SKP1: variants seen among roughly 807,000 people sequenced by gnomAD.
SKP1 encodes S-phase kinase-associated protein 1.
Under a neutral mutation model 21.5 loss-of-function variants are expected in SKP1, and 1 was observed. The ratio of observed to expected loss-of-function variants is 0.05; its 90% CI spans 0.02 to 0.22. The LOEUF is 0.22. Among genes scored for constraint, SKP1 ranks in the 10% least tolerant of loss-of-function variants. The probability of loss-of-function intolerance (pLI) is 1.00; values close to 1 mark genes in which losing one functional copy is unlikely to be tolerated. For synonymous variants in SKP1, 59 were observed against 59.3 expected, an observed-to-expected ratio of 0.99 and a Z score of 0.03; for missense variants, 70 against 192.0, an observed-to-expected ratio of 0.36 and a Z score of 3.76.
chr5:134,167,331 C>T, intron 2 of SKP1, 88 bp from the exon 3 acceptor site: 1 of 831,742 alleles, frequency 1.2e-6, no homozygotes, highest in Middle Eastern at 2.3e-4. Context: ...TAAGAGTCAG[C>T]CCCCATATCC....
chr5:134,173,966 T>A lies in SKP1; in HGVS notation c.57A>T (p.Glu19Asp). 1.2e-6 allele frequency: 2 copies of A among 1,611,778 alleles called. No homozygotes were observed. Among genetic ancestry groups the A allele is most frequent in the Middle Eastern group, 1.7e-4 (1 of 6,002 alleles). The change falls in exon 2 of 6, where the codon GAA becomes GAT. Residue 19 changes from glutamate to aspartate, a missense_variant. By Grantham distance (45) the Glu-to-Asp change is conservative. Transcript: ENST00000353411. The part of the protein sequence containing the change: ...SDGEIFEVDV[E>D]IAKQSVTIKT... ...TAATAGTCACAGATTGTTTGGCAATTTCCACATCAACTTCAAATATCTCTC... is the reference window on the plus strand; with the variant it reads ...TAATAGTCACAGATTGTTTGGCAATATCCACATCAACTTCAAATATCTCTC...
rs777990442 is a variant in SKP1, at chr5:134,158,601, A to T, written c.316-6T>A. 10 of 1,612,260 alleles carry T rather than the reference A, an allele frequency of 6.2e-6. No individual in the cohort carries two copies. The South Asian group carries it at 9.9e-5, about 16-fold the overall frequency. On this transcript the variant is annotated splice_region_variant and splice_polypyrimidine_tract_variant and intron_variant, in intron 4 of 5. Transcript: ENST00000353411. ...ATGTCTAAGTAGTTTGCAGCCTGTA[A>T]AGAGACAGTTGTTTTCCTTAAAGTA... is the stretch of plus-strand genomic sequence containing the variant.
At chr5:134,170,596 A>G (rs893657385) in intron 2 of SKP1, among the ~76,000 whole-genome samples, 7 of 152,264 alleles carry the variant, frequency 4.6e-5, no homozygotes, top group Non-Finnish European at 5.9e-5. Context: ...AAAAAAGCAG[A>G]AAGTTGCCAA....
chr5:134,176,441 G>T (rs530518093), intron 1 of SKP1, among the ~76,000 whole-genome samples: 2 of 152,086 alleles, frequency 1.3e-5, no homozygotes, highest in Non-Finnish European at 2.9e-5. Flanking sequence ...CCACGCTCAC[G>T]ACAGCCAAGG....
At chr5:134,163,757 T>C (rs1343622037) in intron 3 of SKP1, among the ~76,000 whole-genome samples, 1 of 152,006 alleles carries the variant, frequency 6.6e-6, no homozygotes, top group East Asian at 1.9e-4. Flanking sequence ...ACCACTGCAC[T>C]CCAGCCCAGG....
chr5:134,150,678 C>T lies in SKP1; in HGVS notation c.*7055G>A, dbSNP rs113970405. On this transcript the variant is annotated 3_prime_UTR_variant, in exon 6 of 6. Transcript: ENST00000353411. ...AAGAGTTCACCAAGGGTTTCTGAAACAGCTGCCCACCCAAGCAGACCCTGG... is the reference window on the plus strand; with the variant it reads ...AAGAGTTCACCAAGGGTTTCTGAAATAGCTGCCCACCCAAGCAGACCCTGG... 4.6e-5 allele frequency: 7 copies of T among 152,288 alleles called. No individual in the cohort carries two copies. In the East Asian group the frequency reaches 7.8e-4, roughly 17 times the overall value. 9.4% of individuals were successfully genotyped at this position (152,288 alleles called of 1,614,324 possible).
rs1465060872 is a variant in SKP1 at position 134,150,778 on chromosome 5, T to C, written c.*6955A>G. The C allele has an allele frequency of 1.3e-5, 2 of 152,162 alleles. No individual in the cohort carries two copies. The highest frequency in any genetic ancestry group is 6.6e-5 in the Admixed American group (1 of 15,264). The allele number at this position is 152,162 out of a possible 1,614,324, so 9.4% of individuals were successfully genotyped here. On this transcript the variant is annotated 3_prime_UTR_variant, in exon 6 of 6. Transcript: ENST00000353411. Reference sequence around the variant, plus strand: ...TCTCAAATCACCCTATGGGCATCTTTCAAATTCTGACTCCTGAGCTCTTCT... The same window carrying C: ...TCTCAAATCACCCTATGGGCATCTTCCAAATTCTGACTCCTGAGCTCTTCT...
At chr5:134,166,580 CA>C (rs36106913) in intron 3 of SKP1, among the ~76,000 whole-genome samples, 1,541 of 52,376 alleles carry the variant, frequency 0.029, 5 homozygotes, top group African/African-American at 0.11. Context: ...ACTCTGGTCT[CA>C]AAAAAAAAAA....
Position 134,156,066 on chromosome 5 carries a change from G to A in SKP1, c.*1667C>T, listed in dbSNP as rs78042489. ...CTGTCTTGTCCTCCCAAAATGTTGAGATTACAGGCATAAGCCACCATGCCC... is the reference window on the plus strand; with the variant it reads ...CTGTCTTGTCCTCCCAAAATGTTGAAATTACAGGCATAAGCCACCATGCCC... On this transcript the variant is annotated 3_prime_UTR_variant, in exon 6 of 6. Transcript: ENST00000353411. 0.087 allele frequency: 13,236 copies of A among 151,636 alleles called. 1,036 individuals are homozygous for A. Among genetic ancestry groups the A allele is most frequent in the East Asian group, 0.38 (1,950 of 5,128 alleles). 9.4% of individuals were successfully genotyped at this position (151,636 alleles called of 1,614,324 possible). A position where few individuals can be genotyped will look rare whatever the true frequency, so the allele number is the denominator to read the frequency against.
chr5:134,156,408 T>G lies in SKP1; in HGVS notation c.*1325A>C, dbSNP rs557953055. On this transcript the variant is annotated 3_prime_UTR_variant, in exon 6 of 6. Coordinates refer to ENST00000353411, the MANE Select transcript of SKP1 (RefSeq NM_170679.3). ...AATTGGAATTAAGTGAGACAACATA[T>G]GGGACTTTATTAAATAAGGTGAATT... The G allele has an allele frequency of 6.6e-6, 1 of 152,284 alleles. No homozygotes were observed. Among genetic ancestry groups the G allele is most frequent in the Admixed American group, 6.5e-5 (1 of 15,294 alleles). 9.4% of individuals were successfully genotyped at this position (152,284 alleles called of 1,614,324 possible).
chr5:134,151,614 TAA>T lies in SKP1; in HGVS notation c.*6117_*6118del, dbSNP rs1761044102. ...ATATAGCAGGTTGAAAATTTGAAGT[TAA>T]GAGATATCAGAAGGTCTGAATATAC... On this transcript the variant is annotated 3_prime_UTR_variant, in exon 6 of 6. Transcript: ENST00000353411. The T allele has an allele frequency of 4.4e-6, 2 of 453,720 alleles. No homozygotes were observed. 28.1% of individuals were successfully genotyped at this position (453,720 alleles called of 1,614,324 possible).
chr5:134,162,902 G>C (rs113607450), intron 3 of SKP1, among the ~76,000 whole-genome samples: 11 of 151,622 alleles, frequency 7.3e-5, no homozygotes, highest in Admixed American at 7.2e-4. Flanking sequence ...GAGACACCCC[G>C]TCTCTACAAA....
In SKP1 at chr5:134,156,399, G is replaced by A. The variant is rs1276372375; in HGVS notation, c.*1334C>T. 6.6e-6 allele frequency: 1 copy of A among 152,162 alleles called. No homozygotes were observed. The highest frequency in any genetic ancestry group is 1.5e-5 in the Non-Finnish European group (1 of 68,026). 9.4% of individuals were successfully genotyped at this position (152,162 alleles called of 1,614,324 possible). A position where few individuals can be genotyped will look rare whatever the true frequency, so the allele number is the denominator to read the frequency against. Reference sequence around the variant, plus strand: ...CAGACAACAAATTGGAATTAAGTGAGACAACATATGGGACTTTATTAAATA... The same window carrying A: ...CAGACAACAAATTGGAATTAAGTGAAACAACATATGGGACTTTATTAAATA... On this transcript the variant is annotated 3_prime_UTR_variant, in exon 6 of 6. Coordinates refer to ENST00000353411, the MANE Select transcript of SKP1 (RefSeq NM_170679.3).
chr5:134,170,570 C>T (rs1259925826), intron 2 of SKP1, among the ~76,000 whole-genome samples: 1 of 152,148 alleles, frequency 6.6e-6, no homozygotes, highest in Admixed American at 6.5e-5. Flanking sequence ...ACCAGAGATA[C>T]TGCAGGTGGA....
At position 134,161,114 on chromosome 5, in the gene SKP1, G is replaced by A; in HGVS notation, c.188C>T (p.Thr63Ile). The part of the protein sequence containing the change: ...AILKKVIQWC[T>I]HHKDDPPPPE... ...AGGAGGAGGGTCATCCTTGTGGTGG[G>A]TGCACCACTGAATGACCTACAACAA... The change falls in exon 4 of 6, where the codon ACC (threonine) becomes ATC (isoleucine). Residue 63 changes from threonine (T) to isoleucine (I), a missense_variant. Coordinates refer to ENST00000353411, the MANE Select transcript of SKP1 (RefSeq NM_170679.3). The A allele has an allele frequency of 6.2e-7, 1 of 1,610,474 alleles. No homozygotes were observed. The highest frequency in any genetic ancestry group is 8.5e-7 in the Non-Finnish European group (1 of 1,178,076).
chr5:134,160,942 T>C (rs1337017623), intron 4 of SKP1, 45 bp downstream of exon 4: 1 of 1,416,980 alleles, frequency 7.1e-7, no homozygotes. Flanking sequence ...ATAAGAAGTG[T>C]TTAAAGGCTC....
In SKP1 at chr5:134,152,829, C is replaced by G. The variant is rs547330019; in HGVS notation, c.*4904G>C. On this transcript the variant is annotated 3_prime_UTR_variant, in exon 6 of 6. Transcript: ENST00000353411. ...TGTTGGGATTACAGGCGTGAGCCAC[C>G]GTGCCCAGCCCAGGAACATTTTTAT... The G allele has an allele frequency of 1.3e-5, 2 of 152,628 alleles. No individual in the cohort carries two copies. Among genetic ancestry groups the G allele is most frequent in the Admixed American group, 1.3e-4 (2 of 15,308 alleles). The allele number at this position is 152,628 out of a possible 1,614,324, so 9.5% of individuals were successfully genotyped here. A position where few individuals can be genotyped will look rare whatever the true frequency, so the allele number is the denominator to read the frequency against.
chr5:134,175,440 A>G (rs1459296662), intron 1 of SKP1: 1 of 152,246 alleles, frequency 6.6e-6, no homozygotes, highest in Non-Finnish European at 1.5e-5. Flanking sequence ...CAAGACCACA[A>G]CAAAAGGTAT....
intron 3 of SKP1, among the ~76,000 whole-genome samples, chr5:134,166,919 A>C (rs1433041377): frequency 6.6e-6 from 1 of 152,228 alleles, no homozygotes; most frequent in African/African-American, 2.4e-5. Flanking sequence ...AAGTGTTTGC[A>C]TAGGTAGACA....
Sources: gnomAD v4.1 joint callset for allele counts (sites outside exome capture counted in the v4.1 genomes callset) on GRCh38, gnomAD v4.1.1 for gene constraint, MANE v1.5 for transcripts, NCBI Gene and HGNC (gene_info 2026-07-23, HGNC 2026-07-21) for gene names.